XRCC6: variants seen among roughly 807,000 people sequenced by gnomAD.
XRCC6 encodes DNA repair protein Ku70.
XRCC6 carries 5 observed loss-of-function variants against 65.7 expected under a neutral mutation model. The observed-to-expected ratio is 0.08, with a 90% CI of 0.04 to 0.16. The LOEUF is 0.16. XRCC6 is among the 10% of genes least tolerant of loss of function. The pLI is 1.00. For missense variants in XRCC6, 447 were observed against 738.1 expected, an observed-to-expected ratio of 0.61 and a Z score of 4.57; for synonymous variants, 270 against 270.6, an observed-to-expected ratio of 1.00 and a Z score of 0.02.
At chr22:41,651,002 A>G (rs922693258) in intron 8 of XRCC6, 111 bp downstream of exon 8, 15 of 1,384,964 alleles carry the variant, frequency 1.1e-5, no homozygotes, top group African/African-American at 1.4e-5. Flanking sequence ...TTAATGGAGT[A>G]TGTTGAAAGT....
At chr22:41,648,155 C>G (rs960364655) in intron 7 of XRCC6, 46 of 150,584 alleles carry the variant, frequency 3.1e-4, no homozygotes, top group African/African-American at 1.1e-3. Flanking sequence ...TGGTTGTGAT[C>G]AATTAGTTGT....
chr22:41,651,844 C>T (rs1054604517), intron 8 of XRCC6, among the ~76,000 whole-genome samples: 8 of 149,500 alleles, frequency 5.4e-5, no homozygotes, highest in South Asian at 2.1e-4. Flanking sequence ...AGTGAAGTGG[C>T]GCAATCTCGG....
intron 6 of XRCC6, among the ~76,000 whole-genome samples, chr22:41,639,974 TAG>T (rs2067857587): frequency 6.6e-6 from 1 of 151,904 alleles, no homozygotes; most frequent in Non-Finnish European, 1.5e-5. Flanking sequence ...CTGTTTTTTT[TAG>T]AGAGCCTTGA....
intron 3 of XRCC6, among the ~76,000 whole-genome samples, chr22:41,630,398 C>G (rs1409025716): frequency 6.6e-6 from 1 of 151,880 alleles, no homozygotes; most frequent in East Asian, 1.9e-4. Context: ...GCATGTGCCA[C>G]TATGCCTGGC....
chr22:41,653,511 G>T lies in XRCC6; in HGVS notation c.1130-18G>T, dbSNP rs1418874129. The T allele has an allele frequency of 3.8e-6, 6 of 1,559,978 alleles. 1 individual carries two copies. The highest frequency in any genetic ancestry group is 4.2e-4 in the Middle Eastern group (2 of 4,720). On this transcript the variant is annotated intron_variant, in intron 8 of 12. Coordinates refer to ENST00000360079, the MANE Select transcript of XRCC6 (RefSeq NM_001469.5). ...AAACCTTTTTAGGAGGCTAGTCACT[G>T]GGCTTTTTGTTTTCTAGGGAGCTCA...
At chr22:41,645,486 A>G (rs1569090673) in intron 6 of XRCC6, among the ~76,000 whole-genome samples, 1 of 152,042 alleles carries the variant, frequency 6.6e-6, no homozygotes, top group African/African-American at 2.4e-5. Context: ...CACTGCTCAG[A>G]GACCCCGACT....
chr22:41,621,846 T>C, intron 1 of XRCC6, 144 bp from the exon 2 acceptor site: 1 of 708,430 alleles, frequency 1.4e-6, no homozygotes, highest in Non-Finnish European at 2.4e-6. Context: ...GCAGTCCGAC[T>C]GCCGAGCTTT....
intron 3 of XRCC6, among the ~76,000 whole-genome samples, chr22:41,628,664 A>G (rs1055687885): frequency 6.6e-6 from 1 of 152,174 alleles, no homozygotes; most frequent in Non-Finnish European, 1.5e-5. Flanking sequence ...TAAAACAGGC[A>G]CAGGACTTGA....
chr22:41,632,995 C>G (rs993846101), intron 3 of XRCC6, among the ~76,000 whole-genome samples: 1 of 151,578 alleles, frequency 6.6e-6, no homozygotes, highest in Admixed American at 6.6e-5. Flanking sequence ...GGTGTGGTGG[C>G]GTGCGCCTGT....
intron 3 of XRCC6, among the ~76,000 whole-genome samples, chr22:41,630,147 C>A (rs1244307959): frequency 1.3e-5 from 2 of 151,878 alleles, no homozygotes; most frequent in African/African-American, 2.4e-5. Flanking sequence ...CCATGCCCAG[C>A]TAATTTTTGT....
rs199737851 is a variant in XRCC6 at position 41,653,680 on chromosome 22, G to T, written c.1281G>T (p.Val427=). The change falls in exon 9 of 13, where the codon GTG becomes GTT. Residue 427 remains valine (V), a synonymous_variant. Transcript: ENST00000360079. ...AGTTGGATGACCAGAAAATTCAGGT[G>T]ACTCCTCCAGGTATGTGGCAGAGAT... The part of the protein sequence containing the change: ...EEELDDQKIQ[V]TPPGFQLVFL... 1.9e-5 allele frequency: 31 copies of T among 1,613,828 alleles called. No individual in the cohort carries two copies. The East Asian group carries it at 4.9e-4, about 26-fold the overall frequency.
intron 7 of XRCC6, 98 bp from the exon 8 acceptor site, chr22:41,650,625 A>G (rs1220322546): frequency 3.8e-6 from 5 of 1,326,520 alleles, no homozygotes; most frequent in South Asian, 1.3e-5. Context: ...TGCTCCTTAG[A>G]AGAGAGCTGA....
At chr22:41,647,761 T>C (rs2067949308) in intron 7 of XRCC6, among the ~76,000 whole-genome samples, 1 of 151,994 alleles carries the variant, frequency 6.6e-6, no homozygotes. Flanking sequence ...TTAATAGAGA[T>C]GAGGTCTCAC....
chr22:41,632,764 A>G (rs1034491881), intron 3 of XRCC6, among the ~76,000 whole-genome samples: 1 of 151,398 alleles, frequency 6.6e-6, no homozygotes, highest in African/African-American at 2.4e-5. Context: ...TTGAGGCTGC[A>G]CTGAGCTATG....
intron 6 of XRCC6, among the ~76,000 whole-genome samples, chr22:41,643,531 A>C (rs1396178397): frequency 6.7e-6 from 1 of 149,838 alleles, no homozygotes; most frequent in East Asian, 2.1e-4. Flanking sequence ...AATAATTTTA[A>C]ATTTTCTGGC....
chr22:41,637,881 T>TTCTTTATCCATTCTTCTTTTGA, intron 6 of XRCC6, 90 bp downstream of exon 6: 1 of 1,409,574 alleles, frequency 7.1e-7, no homozygotes, highest in African/African-American at 1.4e-5. Flanking sequence ...TCCCAACAGT[T>TTCTTTATCCATTCTTCTTTTGA]TGGGAGGCCA....
intron 2 of XRCC6, 25 bp from the exon 3 acceptor site, chr22:41,628,093 T>C (rs1427887172): frequency 2.6e-6 from 4 of 1,521,680 alleles, no homozygotes; most frequent in Non-Finnish European, 3.6e-6. Flanking sequence ...AGGACAAACA[T>C]TTTCTTCCAT....
At chr22:41,641,032 CA>C (rs2067869763) in intron 6 of XRCC6, among the ~76,000 whole-genome samples, 1 of 152,086 alleles carries the variant, frequency 6.6e-6, no homozygotes, top group African/African-American at 2.4e-5. Context: ...TGCTTGAGTC[CA>C]GAAGCAAGAC....
At chr22:41,658,410 C>A in intron 11 of XRCC6, 58 bp downstream of exon 11, 1 of 1,503,632 alleles carries the variant, frequency 6.7e-7, no homozygotes, top group Non-Finnish European at 9.2e-7. Context: ...TGGTTCCACT[C>A]TGCACCAGTA....
Sources: gnomAD v4.1 joint callset for allele counts (sites outside exome capture counted in the v4.1 genomes callset) on GRCh38, gnomAD v4.1.1 for gene constraint, MANE v1.5 for transcripts, NCBI Gene and HGNC (gene_info 2026-07-23, HGNC 2026-07-21) for gene names.